SLC33A1: variants seen among roughly 807,000 people sequenced by gnomAD.
SLC33A1 encodes acetyl-coenzyme A transporter 1.
Under a neutral mutation model 50.0 loss-of-function variants are expected in SLC33A1, and 20 were observed. The ratio of observed to expected loss-of-function variants is 0.40; its 90% CI spans 0.28 to 0.58. The LOEUF (loss-of-function observed/expected upper bound fraction) is 0.58. Ranked by LOEUF, SLC33A1 falls within the 20% of genes least tolerant of loss-of-function variation. The probability of loss-of-function intolerance (pLI) is 0.44; values close to 1 mark genes in which losing one functional copy is unlikely to be tolerated. For synonymous variants in SLC33A1, 265 were observed against 251.8 expected (o/e 1.05, Z -0.50); for missense variants, 476 against 657.0 (o/e 0.72, Z 3.01).
Position 155,853,386 on chromosome 3 carries a change from C to G in SLC33A1, c.612G>C (p.Met204Ile). 1.9e-6 allele frequency: 3 copies of G among 1,614,112 alleles called. No individual in the cohort carries two copies. The highest frequency in any genetic ancestry group is 2.5e-6 in the Non-Finnish European group (3 of 1,180,048). The change falls in exon 1 of 6, where the codon ATG becomes ATC. Residue 204 changes from methionine to isoleucine, a missense_variant. Met to Ile is a conservative substitution (Grantham distance 10). Transcript: ENST00000643144. ...CATAACCCACATTTTCCCTGGATAA[C>G]ATAGTTAACGCCCAACCATCGACGG... ...DIAVDGWALT[M>I]LSRENVGYAS...
intron 2 of SLC33A1, among the ~76,000 whole-genome samples, chr3:155,835,465 G>C (rs1331914088): frequency 6.6e-6 from 1 of 152,200 alleles, no homozygotes; most frequent in Admixed American, 6.5e-5. Context: ...AAAAACTTGA[G>C]TTGCAAACAT....
chr3:155,840,533 A>C (rs1752889214), intron 2 of SLC33A1, among the ~76,000 whole-genome samples: 1 of 151,886 alleles, frequency 6.6e-6, no homozygotes, highest in South Asian at 2.1e-4. Context: ...AGTACAAAAA[A>C]ATTGCCAGGC....
At chr3:155,831,248 GGAGTTCAAGACCAGCCTGGCCA>G in intron 4 of SLC33A1, among the ~76,000 whole-genome samples, 1 of 151,932 alleles carries the variant, frequency 6.6e-6, no homozygotes, top group Admixed American at 6.6e-5. Context: ...CCTGAGGTCA[GGAGTTCAAGACCAGCCTGGCCA>G]ATGTGGTAAA....
intron 1 of SLC33A1, among the ~76,000 whole-genome samples, chr3:155,847,323 T>C (rs993515634): frequency 1.3e-5 from 2 of 152,234 alleles, no homozygotes; most frequent in South Asian, 2.1e-4. Flanking sequence ...CTGGTCTATC[T>C]AGAAATGGGT....
At chr3:155,847,167 C>T (rs2107998316) in intron 1 of SLC33A1, among the ~76,000 whole-genome samples, 1 of 152,198 alleles carries the variant, frequency 6.6e-6, no homozygotes, top group Non-Finnish European at 1.5e-5. Flanking sequence ...GAGATTGTGC[C>T]ACTACACTCC....
At position 155,853,313 on chromosome 3, in the gene SLC33A1, T is replaced by A; in HGVS notation, c.685A>T (p.Asn229Tyr). 6.2e-7 allele frequency: 1 copy of A among 1,614,056 alleles called. No homozygotes were observed. Among genetic ancestry groups the A allele is most frequent in the Admixed American group, 1.7e-5 (1 of 60,014 alleles). Residue 229 changes from asparagine to tyrosine, a missense_variant, in exon 1 of 6, where the codon AAT (asparagine) becomes TAT (tyrosine). Transcript: ENST00000643144. Reference protein sequence around the residue: ...VGQTAGYFLGNVLFLALESAD... With the variant: ...VGQTAGYFLGYVLFLALESAD... ...GATTCAAGGGCCAAAAACAAAACAT[T>A]GCCCAAAAAGTAACCCGCTGTTTGG...
Position 155,853,978 on chromosome 3 carries a change from T to C in SLC33A1, c.20A>G (p.His7Arg). 2 of 1,545,298 alleles carry C rather than the reference T, an allele frequency of 1.3e-6. No homozygotes were observed. The highest frequency in any genetic ancestry group is 1.7e-6 in the Non-Finnish European group (2 of 1,151,876). The change falls in exon 1 of 6, where the codon CAC becomes CGC. Residue 7 changes from histidine (H) to arginine (R), a missense_variant. Physicochemically the swap from His to Arg is conservative, Grantham distance 29 (BLOSUM62 0). Transcript: ENST00000643144. ...CCGCCGTTGCCGGCTGCTGTCCTTG[T>C]GGGAGATGGTGGGTGACATATCAGA... The part of the protein sequence containing the change: MSPTIS[H>R]KDSSRQRRPG...
intron 5 of SLC33A1, 54 bp downstream of exon 5, chr3:155,829,634 G>T (rs1752330072): frequency 8.0e-7 from 1 of 1,248,332 alleles, no homozygotes; most frequent in South Asian, 1.2e-5. Flanking sequence ...ACAAAACAAA[G>T]ATATTAATAT....
chr3:155,828,222 T>C lies in SLC33A1; in HGVS notation c.1638A>G (p.Lys546=), dbSNP rs1252957021. ...AGTAGCATATATATTAATTGTTCCT[T>C]TTGCATTTCCACGAAGATGATCCTT... ...QDEGSSSWKC[K]RNN The change falls in exon 6 of 6, where the codon AAA becomes AAG. Residue 546 remains lysine, a synonymous_variant. Coordinates refer to ENST00000643144, the MANE Select transcript of SLC33A1 (RefSeq NM_004733.4). 6.2e-7 allele frequency: 1 copy of C among 1,612,614 alleles called. No individual in the cohort carries two copies. The highest frequency in any genetic ancestry group is 8.5e-7 in the Non-Finnish European group (1 of 1,178,722).
At chr3:155,836,894 C>T (rs1253133488) in intron 2 of SLC33A1, among the ~76,000 whole-genome samples, 9 of 151,542 alleles carry the variant, frequency 5.9e-5, no homozygotes, top group South Asian at 2.1e-4. Context: ...TCTCAAACAA[C>T]GAAATCTAAA....
At position 155,823,337 on chromosome 3, in the gene SLC33A1, A is replaced by T. The variant is rs1428775464; in HGVS notation, c.*4873T>A. ...CAGTCCCAAACCAAATGGTGATTACATAAAAAATTTGGCATTGTCAAATCA... is the reference window on the plus strand; with the variant it reads ...CAGTCCCAAACCAAATGGTGATTACTTAAAAAATTTGGCATTGTCAAATCA... On this transcript the variant is annotated 3_prime_UTR_variant, in exon 6 of 6. Transcript: ENST00000643144. 1 of 152,224 alleles carries T rather than the reference A, an allele frequency of 6.6e-6. No individual in the cohort carries two copies. Among genetic ancestry groups the T allele is most frequent in the Non-Finnish European group, 1.5e-5 (1 of 68,042 alleles). 9.4% of individuals were successfully genotyped at this position (152,224 alleles called of 1,614,324 possible). A position where few individuals can be genotyped will look rare whatever the true frequency, so the allele number is the denominator to read the frequency against.
At position 155,833,417 on chromosome 3, in the gene SLC33A1, C is replaced by T. The variant is rs7649631; in HGVS notation, c.1266+51G>A. 0.34 allele frequency: 302,786 copies of T among 901,186 alleles called. 56,974 individuals are homozygous for T. Among genetic ancestry groups the T allele is most frequent in the African/African-American group, 0.69 (42,335 of 61,278 alleles). The allele number at this position is 901,186 out of a possible 1,614,324, so 55.8% of individuals were successfully genotyped here. ...AAGACAACTGTAGAAAGCTGTCTTCCTTATTTTACACAGAACAGTTTATTT... is the reference window on the plus strand; with the variant it reads ...AAGACAACTGTAGAAAGCTGTCTTCTTTATTTTACACAGAACAGTTTATTT... On this transcript the variant is annotated intron_variant, in intron 4 of 5. Coordinates refer to ENST00000643144, the MANE Select transcript of SLC33A1 (RefSeq NM_004733.4).
intron 4 of SLC33A1, among the ~76,000 whole-genome samples, chr3:155,832,103 C>T (rs183185771): frequency 8.3e-4 from 126 of 152,256 alleles, no homozygotes; most frequent in African/African-American, 2.8e-3. Flanking sequence ...CTGGGCCAGG[C>T]GCGGTGGCTC....
intron 4 of SLC33A1, 67 bp downstream of exon 4, chr3:155,833,401 G>A (rs1226625335): frequency 2.4e-6 from 2 of 821,342 alleles, no homozygotes; most frequent in East Asian, 4.8e-5. Context: ...TAAGACAACT[G>A]TAGAAAGCTG....
chr3:155,846,439 A>AT lies in SLC33A1; in HGVS notation c.776-3821dup, dbSNP rs1226103490. 2.0e-5 allele frequency among the ~76,000 whole-genome samples: 3 copies of AT among 148,292 alleles called. No homozygotes were observed. In the East Asian group the frequency reaches 5.8e-4, roughly 29 times the overall value. ...CAACCATGAGGTCTGGAACATAGAT[A>AT]TTTTCCCACACTTCCTTTTTTTTTT... On this transcript the variant is annotated intron_variant, in intron 1 of 5. Coordinates refer to ENST00000643144, the MANE Select transcript of SLC33A1 (RefSeq NM_004733.4).
Position 155,822,769 on chromosome 3 carries a change from T to C in SLC33A1, c.*5441A>G, listed in dbSNP as rs1483404825. ...AAATGAGTCAAGACTTCTTATGAGC[T>C]ATGCAAATTAATATTGCTGATATTT... On this transcript the variant is annotated 3_prime_UTR_variant, in exon 6 of 6. Transcript: ENST00000643144. 1.3e-5 allele frequency: 2 copies of C among 152,190 alleles called. No individual in the cohort carries two copies. Among genetic ancestry groups the C allele is most frequent in the East Asian group, 3.8e-4 (2 of 5,200 alleles). 9.4% of individuals were successfully genotyped at this position (152,190 alleles called of 1,614,324 possible). A position where few individuals can be genotyped will look rare whatever the true frequency, so the allele number is the denominator to read the frequency against.
At chr3:155,832,485 T>A (rs1439381264) in intron 4 of SLC33A1, among the ~76,000 whole-genome samples, 1 of 151,916 alleles carries the variant, frequency 6.6e-6, no homozygotes, top group Non-Finnish European at 1.5e-5. Context: ...AAAAGCAGCT[T>A]GACACAGCTT....
In SLC33A1 at chr3:155,853,688, C is replaced by T. The variant is rs749461544; in HGVS notation, c.310G>A (p.Val104Ile). The T allele has an allele frequency of 1.2e-6, 2 of 1,614,196 alleles. No homozygotes were observed. The highest frequency in any genetic ancestry group is 2.2e-5 in the East Asian group (1 of 44,884). ...SIPLILQSKN[V>I]SYTDQAFFSF... The stretch of plus-strand genomic sequence containing the variant: ...AAGAAAGCTTGGTCTGTATAGCTAA[C>T]ATTTTTGCTTTGCAAAATGAGTGGG... The change falls in exon 1 of 6, where the codon GTT becomes ATT. Residue 104 changes from valine (V) to isoleucine (I), a missense_variant. Val to Ile is a conservative substitution (Grantham distance 29). Coordinates refer to ENST00000643144, the MANE Select transcript of SLC33A1 (RefSeq NM_004733.4).
At position 155,829,202 on chromosome 3, in the gene SLC33A1, C is replaced by T. The variant is rs116777953; in HGVS notation, c.1482+486G>A. On this transcript the variant is annotated intron_variant, in intron 5 of 5. Coordinates refer to ENST00000643144, the MANE Select transcript of SLC33A1 (RefSeq NM_004733.4). ...CAGGCGTGAGCCACTGCACCTGGCC[C>T]GATTATCTATTTTCACGATGCAGCT... 1.8e-3 allele frequency among the ~76,000 whole-genome samples: 276 copies of T among 152,064 alleles called. 2 individuals carry two copies. The highest frequency in any genetic ancestry group is 6.4e-3 in the African/African-American group (265 of 41,500).
Sources: allele counts gnomAD v4.1 joint callset (sites outside exome capture counted in the v4.1 genomes callset), GRCh38; gene constraint gnomAD v4.1.1; transcripts MANE v1.5; gene names NCBI Gene and HGNC (gene_info 2026-07-23, HGNC 2026-07-21).